GPC5: variants seen among roughly 807,000 people sequenced by gnomAD.
The protein encoded by GPC5 is glypican 5.
In GPC5, 47 loss-of-function variants were observed where a neutral mutation model predicts 53.9. That is an observed-to-expected ratio of 0.87 (90% CI 0.69 to 1.11). GPC5 has a LOEUF of 1.11. Among genes scored for constraint, GPC5 ranks in the 50% most tolerant of loss-of-function variants. GPC5 has a pLI of 0.00. For synonymous variants in GPC5, 286 were observed against 263.3 expected (o/e 1.09, Z -0.84); for missense variants, 748 against 713.1 (o/e 1.05, Z -0.56).
chr13:91,964,778 G>A lies in GPC5; in HGVS notation c.1401+56721G>A, dbSNP rs559401097. ...AAATCATGCTGCTATGAAGACACATGCACATGTGTGTTTATTGCGGCACTA... is the reference window on the plus strand; with the variant it reads ...AAATCATGCTGCTATGAAGACACATACACATGTGTGTTTATTGCGGCACTA... On this transcript the variant is annotated intron_variant, in intron 6 of 7. Transcript: ENST00000377067. 5.3e-5 allele frequency among the ~76,000 whole-genome samples: 8 copies of A among 152,244 alleles called. No individual in the cohort carries two copies. The East Asian group carries it at 1.5e-3, about 29-fold the overall frequency.
rs555427918 is a variant in GPC5 at position 92,330,422 on chromosome 13, T to C, written c.1561+185433T>C. Among the ~76,000 whole-genome samples the C allele has an allele frequency of 5.8e-4, 88 of 152,278 alleles. 1 individual carries two copies. In the South Asian group the frequency reaches 9.9e-3, roughly 17 times the overall value. On this transcript the variant is annotated intron_variant, in intron 7 of 7. Transcript: ENST00000377067. ...CTTCATTTACTATTTCTTTAATTCATCCATCTAACAAGCAATTTCCATGTA... is the reference window on the plus strand; with the variant it reads ...CTTCATTTACTATTTCTTTAATTCACCCATCTAACAAGCAATTTCCATGTA...
At chr13:92,317,540 C>A (rs905903583) in intron 7 of GPC5, among the ~76,000 whole-genome samples, 5 of 152,124 alleles carry the variant, frequency 3.3e-5, no homozygotes, top group Non-Finnish European at 7.4e-5. Context: ...GTTGTCCAGG[C>A]TGAAGTGCAG....
chr13:92,570,141 T>A (rs1187747051), intron 7 of GPC5, among the ~76,000 whole-genome samples: 1 of 152,022 alleles, frequency 6.6e-6, no homozygotes, highest in Non-Finnish European at 1.5e-5. Context: ...TATTTGACAA[T>A]CATAAAAGAA....
intron 2 of GPC5, among the ~76,000 whole-genome samples, chr13:91,690,814 T>C (rs1423151840): frequency 1.3e-5 from 2 of 152,210 alleles, no homozygotes; most frequent in Non-Finnish European, 2.9e-5. Flanking sequence ...ATGGCAATTG[T>C]CAGTCACATG....
At chr13:91,830,090 G>T (rs1428039011) in intron 5 of GPC5, among the ~76,000 whole-genome samples, 1 of 135,022 alleles carries the variant, frequency 7.4e-6, no homozygotes, top group South Asian at 2.2e-4. Context: ...TATGGGAGAT[G>T]GGGGTCTATT....
intron 6 of GPC5, among the ~76,000 whole-genome samples, chr13:91,942,158 T>C (rs1462304526): frequency 6.6e-6 from 1 of 152,140 alleles, no homozygotes; most frequent in African/African-American, 2.4e-5. Context: ...TACAAAGTTA[T>C]ATTGTTGGTC....
At chr13:91,489,650 T>C (rs1848195968) in intron 2 of GPC5, among the ~76,000 whole-genome samples, 1 of 152,204 alleles carries the variant, frequency 6.6e-6, no homozygotes, top group Non-Finnish European at 1.5e-5. Flanking sequence ...AATAAGCACA[T>C]TTTAAAATTG....
chr13:91,500,938 G>A (rs868517391), intron 2 of GPC5, among the ~76,000 whole-genome samples: 8 of 152,134 alleles, frequency 5.3e-5, no homozygotes, highest in South Asian at 4.1e-4. Context: ...AACCCCTTTC[G>A]CTTGGTTCTC....
At chr13:91,512,183 C>T (rs913365554) in intron 2 of GPC5, among the ~76,000 whole-genome samples, 2 of 152,190 alleles carry the variant, frequency 1.3e-5, no homozygotes, top group African/African-American at 4.8e-5. Context: ...CTATGTTTTA[C>T]ATCGAAACTA....
At chr13:91,415,577 A>G (rs1266668961) in intron 1 of GPC5, among the ~76,000 whole-genome samples, 1 of 152,142 alleles carries the variant, frequency 6.6e-6, no homozygotes, top group Non-Finnish European at 1.5e-5. Context: ...TCTATGGAAT[A>G]TAATTTCCTT....
At chr13:92,271,540 A>C (rs527551229) in intron 7 of GPC5, among the ~76,000 whole-genome samples, 5 of 152,338 alleles carry the variant, frequency 3.3e-5, no homozygotes, top group African/African-American at 9.6e-5. Flanking sequence ...TACTATAGGA[A>C]TATCATGCAG....
intron 2 of GPC5, among the ~76,000 whole-genome samples, chr13:91,670,419 C>T (rs961169700): frequency 2.6e-5 from 4 of 152,130 alleles, no homozygotes; most frequent in African/African-American, 9.6e-5. Context: ...TGGTCTGAAC[C>T]AGGAGAAAAA....
chr13:92,178,578 A>G (rs1259485098), intron 7 of GPC5, among the ~76,000 whole-genome samples: 4 of 151,972 alleles, frequency 2.6e-5, no homozygotes, highest in African/African-American at 9.7e-5. Context: ...ATGTGTTAAT[A>G]TTATATATCA....
At chr13:92,113,261 C>CA (rs1284646893) in intron 6 of GPC5, among the ~76,000 whole-genome samples, 1 of 152,056 alleles carries the variant, frequency 6.6e-6, no homozygotes, top group African/African-American at 2.4e-5. Flanking sequence ...CTTACAGTTA[C>CA]AAAGTCTTGT....
At chr13:92,798,690 T>G (rs917104460) in intron 7 of GPC5, among the ~76,000 whole-genome samples, 1 of 151,856 alleles carries the variant, frequency 6.6e-6, no homozygotes, top group African/African-American at 2.4e-5. Flanking sequence ...ATTTTTAATC[T>G]TTACAAACTA....
chr13:91,438,573 T>C (rs1238585054), intron 1 of GPC5, among the ~76,000 whole-genome samples: 1 of 152,186 alleles, frequency 6.6e-6, no homozygotes, highest in African/African-American at 2.4e-5. Flanking sequence ...CTGCCCCTAC[T>C]GGGTGGTGCC....
At chr13:92,663,489 A>G (rs1886418916) in intron 7 of GPC5, among the ~76,000 whole-genome samples, 1 of 150,482 alleles carries the variant, frequency 6.6e-6, no homozygotes, top group Admixed American at 6.7e-5. Context: ...CTCTAATCTC[A>G]GCACTTTGGG....
intron 7 of GPC5, among the ~76,000 whole-genome samples, chr13:92,342,355 C>T (rs193073346): frequency 3.3e-4 from 50 of 152,222 alleles, no homozygotes; most frequent in Non-Finnish European, 5.4e-4. Flanking sequence ...ATGTCTGCTA[C>T]GGTCTAAATG....
intron 7 of GPC5, among the ~76,000 whole-genome samples, chr13:92,854,352 AAT>A (rs1159504989): frequency 4.7e-4 from 69 of 148,130 alleles, no homozygotes; most frequent in Admixed American, 1.8e-3. Flanking sequence ...GTTATCTATG[AAT>A]ATATATATAT....
Sources: allele counts gnomAD v4.1 joint callset (sites outside exome capture counted in the v4.1 genomes callset), GRCh38; gene constraint gnomAD v4.1.1; transcripts MANE v1.5; gene names NCBI Gene and HGNC (gene_info 2026-07-23, HGNC 2026-07-21).